CCDC34: variants seen among roughly 807,000 people sequenced by gnomAD.
CCDC34 encodes coiled-coil domain-containing protein 34.
In CCDC34, 40 loss-of-function variants were observed where a neutral mutation model predicts 44.1. The ratio of observed to expected loss-of-function variants is 0.91; its 90% CI spans 0.70 to 1.18. The LOEUF is 1.18. Ranked by LOEUF, CCDC34 falls within the 50% of genes most tolerant of loss-of-function variation. The pLI is 0.00. For synonymous variants in CCDC34, 159 were observed against 158.2 expected, an observed-to-expected ratio of 1.01 and a Z score of -0.04; for missense variants, 466 against 452.3, an observed-to-expected ratio of 1.03 and a Z score of -0.28.
Position 27,349,355 on chromosome 11 carries a change from A to G in CCDC34, c.606+977T>C, listed in dbSNP as rs982614645. Reference sequence around the variant, plus strand: ...TGACTTCTAAACAAATATGGTTATAACACACATACATCTAACCAATTTCCT... The same window carrying G: ...TGACTTCTAAACAAATATGGTTATAGCACACATACATCTAACCAATTTCCT... On this transcript the variant is annotated intron_variant, in intron 3 of 5. Transcript: ENST00000328697. 4.5e-6 allele frequency: 4 copies of G among 886,468 alleles called. No individual in the cohort carries two copies. The African/African-American group carries it at 7.3e-5, about 16-fold the overall frequency. The allele number at this position is 886,468 out of a possible 1,614,324, so 54.9% of individuals were successfully genotyped here. A position where few individuals can be genotyped will look rare whatever the true frequency, so the allele number is the denominator to read the frequency against.
rs749059795 is a variant in CCDC34, at chr11:27,340,754, C to T, written c.849G>A (p.Ala283=). The part of the protein sequence containing the change: ...EKKFQEWLEN[A]KHKPRPAAKS... ...TTGCAGCTGGACGAGGTTTATGTTTCGCATTTTCCAACCATTCTTGAAACT... is the reference window on the plus strand; with the variant it reads ...TTGCAGCTGGACGAGGTTTATGTTTTGCATTTTCCAACCATTCTTGAAACT... The change falls in exon 5 of 6, where the codon GCG becomes GCA. Residue 283 remains alanine, a synonymous_variant. Transcript: ENST00000328697. 23 of 1,613,892 alleles carry T rather than the reference C, an allele frequency of 1.4e-5. No individual in the cohort carries two copies. Among genetic ancestry groups the T allele is most frequent in the South Asian group, 8.8e-5 (8 of 91,048 alleles).
rs756452657 is a variant in CCDC34 at position 27,362,916 on chromosome 11, C to T, written c.279G>A (p.Glu93=). Residue 93 remains glutamate, a synonymous_variant, in exon 1 of 6, where the codon GAG becomes GAA. Coordinates refer to ENST00000328697, the MANE Select transcript of CCDC34 (RefSeq NM_030771.2). ...DGEDEEDVDD[E]EDVDEDAHDS... is the part of the protein sequence containing the mutation. ...CATGGGCATCTTCATCCACGTCTTC[C>T]TCATCATCCACGTCTTCCTCATCCT... is the stretch of plus-strand genomic sequence containing the variant. The T allele has an allele frequency of 1.0e-5, 16 of 1,591,984 alleles. No homozygotes were observed. Among genetic ancestry groups the T allele is most frequent in the Non-Finnish European group, 1.2e-5 (14 of 1,175,056 alleles).
At position 27,357,362 on chromosome 11, in the gene CCDC34, G is replaced by A. The variant is rs200766443; in HGVS notation, c.498+41C>T. ...ATTTACAACTGCAGCTCTACTTTGT[G>A]AGCTCACAGATTAAATAAAAAGAAC... On this transcript the variant is annotated intron_variant, in intron 2 of 5. Transcript: ENST00000328697. The A allele has an allele frequency of 9.0e-5, 142 of 1,573,838 alleles. 2 individuals carry two copies. In the South Asian group the frequency reaches 1.6e-3, roughly 18 times the overall value.
chr11:27,358,958 A>ACCCCCCCCCCCCCCC lies in CCDC34; in HGVS notation c.360-1418_360-1417insGGGGGGGGGGGGGGG, dbSNP rs71050907. Among the ~76,000 whole-genome samples the ACCCCCCCCCCCCCCC allele has an allele frequency of 1.5e-4, 13 of 88,170 alleles. No homozygotes were observed. In the East Asian group the frequency reaches 1.6e-3, roughly 11 times the overall value. The allele number at this position is 88,170 out of a possible 152,430, so 57.8% of individuals were successfully genotyped here. A position where few individuals can be genotyped will look rare whatever the true frequency, so the allele number is the denominator to read the frequency against. On this transcript the variant is annotated intron_variant, in intron 1 of 5. Coordinates refer to ENST00000328697, the MANE Select transcript of CCDC34 (RefSeq NM_030771.2). ...CCACCTGCTCCTTGTCAACATGTGG[A>ACCCCCCCCCCCCCCC]CCCCCCCCCCCCACCGCCACCACCT...
In CCDC34 at chr11:27,341,537, C is replaced by T; in HGVS notation, c.620G>A (p.Arg207Lys). 7.9e-7 allele frequency: 1 copy of T among 1,266,272 alleles called. No individual in the cohort carries two copies. Among genetic ancestry groups the T allele is most frequent in the African/African-American group, 1.5e-5 (1 of 65,002 alleles). The allele number at this position is 1,266,272 out of a possible 1,614,324, so 78.4% of individuals were successfully genotyped here. A position where few individuals can be genotyped will look rare whatever the true frequency, so the allele number is the denominator to read the frequency against. The stretch of plus-strand genomic sequence containing the variant: ...CATTTCTTTATTAATTTTTTGTTCT[C>T]TTTCTTTTCTTTTCTTAAATAAAAA... ...QKKNEQKRKEREQKINKEMEE... is the reference protein window; with the variant it reads ...QKKNEQKRKEKEQKINKEMEE... Residue 207 changes from arginine (R) to lysine (K), a missense_variant, in exon 4 of 6, where the codon AGA becomes AAA. Physicochemically the swap from Arg to Lys is conservative, Grantham distance 26. Coordinates refer to ENST00000328697, the MANE Select transcript of CCDC34 (RefSeq NM_030771.2).
chr11:27,362,705 C>T, intron 1 of CCDC34, 131 bp downstream of exon 1: 1 of 1,041,116 alleles, frequency 9.6e-7, no homozygotes, highest in Non-Finnish European at 1.4e-6. Flanking sequence ...CAAAAAAAAC[C>T]ACGGCACCTC....
intron 3 of CCDC34, chr11:27,348,845 T>C (rs1192119736): frequency 1.1e-6 from 1 of 943,286 alleles, no homozygotes; most frequent in Non-Finnish European, 1.3e-6. Flanking sequence ...TTCCTTAACA[T>C]GAACAAGAGT....
chr11:27,349,602 A>G (rs1862477319), intron 3 of CCDC34: 3 of 982,040 alleles, frequency 3.1e-6, no homozygotes, highest in African/African-American at 3.5e-5. Flanking sequence ...AAAAATCACA[A>G]CAGAAGACAA....
intron 1 of CCDC34, 57 bp from the exon 2 acceptor site, chr11:27,357,598 C>T (rs911192420): frequency 1.3e-6 from 2 of 1,555,798 alleles, no homozygotes; most frequent in Non-Finnish European, 1.8e-6. Context: ...CTTCCTAGTC[C>T]AAATCACTTA....
At chr11:27,348,562 A>T (rs1224436790) in intron 3 of CCDC34, among the ~76,000 whole-genome samples, 1 of 152,168 alleles carries the variant, frequency 6.6e-6, no homozygotes, top group African/African-American at 2.4e-5. Flanking sequence ...ATGAATGCAT[A>T]AATTCTTTGT....
chr11:27,349,946 T>C (rs1469903900), intron 3 of CCDC34: 3 of 1,068,690 alleles, frequency 2.8e-6, no homozygotes, highest in Non-Finnish European at 2.3e-6. Flanking sequence ...AATTAAGCCT[T>C]GATGACCGAG....
intron 3 of CCDC34, 84 bp downstream of exon 3, chr11:27,350,248 T>C (rs770225045): frequency 6.2e-7 from 1 of 1,602,296 alleles, no homozygotes; most frequent in Non-Finnish European, 8.5e-7. Flanking sequence ...GAAGTATTTT[T>C]TAAAACCTAG....
Position 27,338,987 on chromosome 11 carries a change from A to T in CCDC34, c.956T>A (p.Ile319Asn). The change falls in exon 6 of 6, where the codon ATT (isoleucine) becomes AAT (asparagine). Residue 319 changes from isoleucine to asparagine, a missense_variant. Transcript: ENST00000328697. ...SYPEPAFYNP[I>N]PWKPIHMPPP... The stretch of plus-strand genomic sequence containing the variant: ...TGGCATATGAATTGGTTTCCACGGA[A>T]TTGGATTATAAAAGGCTGGTTCTGG... The T allele has an allele frequency of 1.2e-6, 2 of 1,613,620 alleles. No homozygotes were observed. Among genetic ancestry groups the T allele is most frequent in the Non-Finnish European group, 1.7e-6 (2 of 1,179,828 alleles).
intron 2 of CCDC34, among the ~76,000 whole-genome samples, chr11:27,356,476 G>A (rs1307651031): frequency 2.6e-5 from 4 of 151,876 alleles, no homozygotes; most frequent in African/African-American, 9.7e-5. Flanking sequence ...TTTAATGATA[G>A]AGAAAAAGAG....
Position 27,363,184 on chromosome 11 carries a change from G to C in CCDC34, c.11C>G (p.Ala4Gly). ...GGGAAAAGTAGGCCCCCAGCGCCCC[G>C]CCGCCCACATCTGGCCCGCCAAGTT... The part of the protein sequence containing the change: MWA[A>G]GRWGPTFPSS... Residue 4 changes from alanine to glycine, a missense_variant, in exon 1 of 6, where the codon GCG becomes GGG. Physicochemically the swap from Ala to Gly is moderately conservative, Grantham distance 60. Transcript: ENST00000328697. The C allele has an allele frequency of 6.7e-7, 1 of 1,482,914 alleles. No homozygotes were observed. The highest frequency in any genetic ancestry group is 8.9e-7 in the Non-Finnish European group (1 of 1,123,650). 91.9% of individuals were successfully genotyped at this position (1,482,914 alleles called of 1,614,324 possible).
chr11:27,359,998 G>A (rs937893228), intron 1 of CCDC34, among the ~76,000 whole-genome samples: 17 of 152,136 alleles, frequency 1.1e-4, no homozygotes, highest in Non-Finnish European at 8.8e-5. Flanking sequence ...ATATAGTAGG[G>A]TCCTAGGAAA....
chr11:27,346,474 A>AAG (rs1862436424), intron 3 of CCDC34, among the ~76,000 whole-genome samples: 1 of 128,046 alleles, frequency 7.8e-6, no homozygotes, highest in Non-Finnish European at 1.6e-5. Flanking sequence ...GACAGAGGAA[A>AAG]GAAGGAAGGA....
At chr11:27,347,906 GA>G (rs1173730866) in intron 3 of CCDC34, among the ~76,000 whole-genome samples, 4 of 151,570 alleles carry the variant, frequency 2.6e-5, no homozygotes, top group Non-Finnish European at 5.9e-5. Flanking sequence ...AATTAATTCT[GA>G]AAAAAAATCA....
intron 3 of CCDC34, among the ~76,000 whole-genome samples, chr11:27,343,033 A>G (rs1028555084): frequency 1.2e-4 from 19 of 152,240 alleles, no homozygotes; most frequent in Non-Finnish European, 1.9e-4. Flanking sequence ...AAGCAATTCA[A>G]TGAAGACTCA....
Sources: allele counts gnomAD v4.1 joint callset (sites outside exome capture counted in the v4.1 genomes callset), GRCh38; gene constraint gnomAD v4.1.1; transcripts MANE v1.5; gene names NCBI Gene and HGNC (gene_info 2026-07-23, HGNC 2026-07-21).